Variants in SLC25A21 observed in about 807,000 individuals in gnomAD.
The protein encoded by SLC25A21 is mitochondrial 2-oxodicarboxylate carrier.
A neutral mutation model predicts 43.8 loss-of-function variants in SLC25A21; 47 were observed. The ratio of observed to expected loss-of-function variants is 1.07; its 90% CI spans 0.85 to 1.37. The LOEUF is 1.37. Ranked by LOEUF, SLC25A21 falls within the 40% of genes most tolerant of loss-of-function variation. SLC25A21 has a pLI of 0.00. For synonymous variants in SLC25A21, 131 were observed against 121.3 expected (o/e 1.08, Z -0.52); for missense variants, 352 against 350.2 (o/e 1.00, Z -0.04).
In SLC25A21 at chr14:36,816,755, C is replaced by T. The variant is rs564099267; in HGVS notation, c.120-2754G>A. 7.2e-5 allele frequency among the ~76,000 whole-genome samples: 11 copies of T among 152,242 alleles called. No individual in the cohort carries two copies. The East Asian group carries it at 7.7e-4, about 11-fold the overall frequency. ...CTGGGCTCAAGCAATCCTCCCGCCT[C>T]GGTCTCCCAAAGTGCTGGGATTGCA... On this transcript the variant is annotated intron_variant, in intron 2 of 9. Transcript: ENST00000331299.
At chr14:37,102,801 C>G (rs1962841553) in intron 1 of SLC25A21, among the ~76,000 whole-genome samples, 1 of 151,910 alleles carries the variant, frequency 6.6e-6, no homozygotes, top group Admixed American at 6.6e-5. Context: ...GCCTGGCTAA[C>G]ATGGTGAAAT....
intron 1 of SLC25A21, among the ~76,000 whole-genome samples, chr14:36,900,549 C>T (rs1891370566): frequency 6.6e-6 from 1 of 152,178 alleles, no homozygotes; most frequent in Admixed American, 6.5e-5. Flanking sequence ...GACAATGGTA[C>T]TGGGATTAAC....
In SLC25A21 at chr14:36,874,976, G is replaced by C; in HGVS notation, c.99C>G (p.Pro33=). 1 of 1,610,972 alleles carries C rather than the reference G, an allele frequency of 6.2e-7. No individual in the cohort carries two copies. The highest frequency in any genetic ancestry group is 1.3e-5 in the African/African-American group (1 of 74,834). ...CTTACCTGGTTTTCACCACATCTAG[G>C]GGGTGCATCAGGCAAATTTCTACAA... The part of the protein sequence containing the change: ...AGLVEICLMH[P]LDVVKTRFQI... Residue 33 remains proline, a synonymous_variant, in exon 2 of 10, where the codon CCC becomes CCG. Transcript: ENST00000331299.
chr14:37,108,720 T>C (rs899952822), intron 1 of SLC25A21, among the ~76,000 whole-genome samples: 3 of 146,666 alleles, frequency 2.0e-5, no homozygotes, highest in South Asian at 4.2e-4. Flanking sequence ...TGTGTGTGTG[T>C]GTGTGTGTGT....
At chr14:36,905,317 TGA>T (rs1327739134) in intron 1 of SLC25A21, among the ~76,000 whole-genome samples, 2 of 152,066 alleles carry the variant, frequency 1.3e-5, no homozygotes, top group East Asian at 3.9e-4. Flanking sequence ...TGGGTTAGAG[TGA>T]GGTTGCACTG....
intron 1 of SLC25A21, among the ~76,000 whole-genome samples, chr14:37,135,626 T>C (rs1273422771): frequency 6.6e-6 from 1 of 152,232 alleles, no homozygotes; most frequent in African/African-American, 2.4e-5. Flanking sequence ...TTTCATTGCA[T>C]GTCTTCCCTG....
intron 3 of SLC25A21, among the ~76,000 whole-genome samples, chr14:36,788,392 C>T (rs913832539): frequency 4.0e-5 from 6 of 151,490 alleles, no homozygotes; most frequent in Non-Finnish European, 1.5e-5. Flanking sequence ...TTATCTGAAG[C>T]TGCAAACCGC....
intron 1 of SLC25A21, among the ~76,000 whole-genome samples, chr14:36,976,158 A>T (rs1321371274): frequency 6.6e-6 from 1 of 152,180 alleles, no homozygotes; most frequent in African/African-American, 2.4e-5. Context: ...CACAGGAGAA[A>T]CATCTGCACA....
In SLC25A21 at chr14:37,172,437, G is replaced by A. The variant is rs1296259502; in HGVS notation, c.-87C>T. 6 of 1,399,504 alleles carry A rather than the reference G, an allele frequency of 4.3e-6. No homozygotes were observed. The highest frequency in any genetic ancestry group is 6.0e-6 in the Non-Finnish European group (6 of 1,008,276). 86.7% of individuals were successfully genotyped at this position (1,399,504 alleles called of 1,614,324 possible). A position where few individuals can be genotyped will look rare whatever the true frequency, so the allele number is the denominator to read the frequency against. On this transcript the variant is annotated 5_prime_UTR_variant, in exon 1 of 10. Transcript: ENST00000331299. ...CAGCCTACTGATCCAGAGAGCCCCG[G>A]CTGGGCTGGTCCTCAAGCGCGTTGG... is the stretch of plus-strand genomic sequence containing the variant.
chr14:36,988,726 T>C (rs1202742494), intron 1 of SLC25A21, among the ~76,000 whole-genome samples: 1 of 152,118 alleles, frequency 6.6e-6, no homozygotes, highest in Non-Finnish European at 1.5e-5. Context: ...TTTTAGAAAC[T>C]CCCTAGCTGA....
At chr14:36,925,402 C>T (rs1892103386) in intron 1 of SLC25A21, among the ~76,000 whole-genome samples, 1 of 152,106 alleles carries the variant, frequency 6.6e-6, no homozygotes, top group South Asian at 2.1e-4. Flanking sequence ...ATTGTGTAAA[C>T]ACTAATTATA....
chr14:36,918,796 A>G (rs2138621286), intron 1 of SLC25A21, among the ~76,000 whole-genome samples: 1 of 152,300 alleles, frequency 6.6e-6, no homozygotes, highest in Middle Eastern at 3.4e-3. Context: ...TAACTAATGA[A>G]AAACATTCAC....
At chr14:36,696,828 C>T (rs1211939058) in intron 7 of SLC25A21, among the ~76,000 whole-genome samples, 7 of 151,936 alleles carry the variant, frequency 4.6e-5, no homozygotes, top group African/African-American at 7.3e-5. Flanking sequence ...GCTAGCCGTA[C>T]ATCTATTTTG....
intron 1 of SLC25A21, among the ~76,000 whole-genome samples, chr14:37,081,810 G>T (rs1962394134): frequency 6.6e-6 from 1 of 152,128 alleles, no homozygotes; most frequent in South Asian, 2.1e-4. Context: ...AATCAACTCT[G>T]AATAAACATA....
chr14:37,132,739 T>C (rs115071683), intron 1 of SLC25A21, among the ~76,000 whole-genome samples: 4 of 151,964 alleles, frequency 2.6e-5, no homozygotes, highest in Admixed American at 2.6e-4. Flanking sequence ...AGCTATATTT[T>C]TTTTTTTTAA....
At chr14:36,889,084 C>A (rs1411809746) in intron 1 of SLC25A21, among the ~76,000 whole-genome samples, 2 of 152,140 alleles carry the variant, frequency 1.3e-5, no homozygotes, top group African/African-American at 4.8e-5. Flanking sequence ...CTACACTGGC[C>A]TCTTTGCTAT....
chr14:36,824,802 TAA>T (rs11386652), intron 2 of SLC25A21, among the ~76,000 whole-genome samples: 13 of 99,590 alleles, frequency 1.3e-4, no homozygotes, highest in South Asian at 8.5e-4. Flanking sequence ...TCTGGAATCC[TAA>T]AAAAAAAAAA....
intron 3 of SLC25A21, among the ~76,000 whole-genome samples, chr14:36,764,424 G>C (rs573834829): frequency 6.6e-6 from 1 of 151,318 alleles, no homozygotes; most frequent in East Asian, 2.0e-4. Flanking sequence ...CCCAAGGAGA[G>C]TGGTTTTCTT....
chr14:37,145,476 C>CACACACACAGAGAG (rs780734735), intron 1 of SLC25A21, among the ~76,000 whole-genome samples: 1 of 143,566 alleles, frequency 7.0e-6, no homozygotes, highest in African/African-American at 2.6e-5. Flanking sequence ...CACACACACA[C>CACACACACAGAGAG]AGAGAGATGA....
Sources: gnomAD v4.1 joint callset for allele counts (sites outside exome capture counted in the v4.1 genomes callset) on GRCh38, gnomAD v4.1.1 for gene constraint, MANE v1.5 for transcripts, NCBI Gene and HGNC (gene_info 2026-07-23, HGNC 2026-07-21) for gene names.